Variants in ITPR2 observed in about 807,000 individuals in gnomAD.
ITPR2 encodes inositol 1,4,5-trisphosphate-gated calcium channel ITPR2.
A neutral mutation model predicts 317.1 loss-of-function variants in ITPR2; 207 were observed. The observed-to-expected ratio is 0.65, with a 90% confidence interval of 0.58 to 0.73. The LOEUF (loss-of-function observed/expected upper bound fraction) is 0.73. Among genes scored for constraint, ITPR2 ranks in the 30% least tolerant of loss-of-function variants. The probability of loss-of-function intolerance (pLI) is 0.00; values close to 1 mark genes in which losing one functional copy is unlikely to be tolerated. For synonymous variants in ITPR2, 1,156 were observed against 1,149.1 expected (o/e 1.01, Z -0.12); for missense variants, 2,613 against 3,284.0 (o/e 0.80, Z 4.99).
rs574965467 is a variant in ITPR2, at chr12:26,495,274, T to C, written c.5074-14A>G. The C allele has an allele frequency of 5.4e-5, 73 of 1,356,570 alleles. No individual in the cohort carries two copies. The South Asian group carries it at 7.5e-4, about 14-fold the overall frequency. The allele number at this position is 1,356,570 out of a possible 1,614,324, so 84.0% of individuals were successfully genotyped here. A position where few individuals can be genotyped will look rare whatever the true frequency, so the allele number is the denominator to read the frequency against. On this transcript the variant is annotated splice_polypyrimidine_tract_variant and intron_variant, in intron 37 of 56. Coordinates refer to ENST00000381340, the MANE Select transcript of ITPR2 (RefSeq NM_002223.4). ...TAATGTGTTACCCTAATAAGAAGGA[T>C]AACAAAGAGTTACTGTTCCCTTTTC...
chr12:26,506,855 T>C (rs1306067211), intron 37 of ITPR2, among the ~76,000 whole-genome samples: 2 of 152,236 alleles, frequency 1.3e-5, no homozygotes, highest in Non-Finnish European at 2.9e-5. Context: ...CTCAGCAACA[T>C]AATTCCTAAT....
intron 2 of ITPR2, among the ~76,000 whole-genome samples, chr12:26,738,812 T>C (rs1316116471): frequency 6.6e-6 from 1 of 152,204 alleles, no homozygotes; most frequent in Non-Finnish European, 1.5e-5. Context: ...TCTTTAAAAA[T>C]GTATCATGTC....
At chr12:26,419,308 G>T in intron 49 of ITPR2, 95 bp from the exon 50 acceptor site, 1 of 1,007,700 alleles carries the variant, frequency 9.9e-7, no homozygotes, top group East Asian at 2.7e-5. Context: ...TTTTTGACAT[G>T]GATGAAACAA....
At chr12:26,509,611 C>T (rs1411705889) in intron 37 of ITPR2, among the ~76,000 whole-genome samples, 1 of 152,160 alleles carries the variant, frequency 6.6e-6, no homozygotes, top group African/African-American at 2.4e-5. Flanking sequence ...TTGAATGTTA[C>T]ATCTGTTAGT....
intron 35 of ITPR2, among the ~76,000 whole-genome samples, chr12:26,557,841 T>C (rs1331287712): frequency 1.3e-5 from 2 of 152,114 alleles, no homozygotes; most frequent in Admixed American, 6.5e-5. Context: ...CCCCATTTTA[T>C]TTTTAAACTA....
chr12:26,457,803 T>C (rs1941927893), intron 45 of ITPR2, among the ~76,000 whole-genome samples: 1 of 152,220 alleles, frequency 6.6e-6, no homozygotes, highest in African/African-American at 2.4e-5. Flanking sequence ...ATCACTTAGC[T>C]TCTCTAAGCT....
At chr12:26,828,377 C>T (rs1253074505) in intron 1 of ITPR2, among the ~76,000 whole-genome samples, 1 of 152,226 alleles carries the variant, frequency 6.6e-6, no homozygotes, top group African/African-American at 2.4e-5. Flanking sequence ...GCTACCCCTA[C>T]ATGTACCTAG....
chr12:26,433,207 T>C (rs1021814620), intron 48 of ITPR2, among the ~76,000 whole-genome samples: 3 of 152,200 alleles, frequency 2.0e-5, no homozygotes, highest in Non-Finnish European at 4.4e-5. Flanking sequence ...ATTGCCAAAA[T>C]GGCAGCTCAT....
Position 26,461,621 on chromosome 12 carries a change from CATATAAATAT to C in ITPR2, c.6342+13665_6342+13674del, listed in dbSNP as rs1371935614. ...AAGCTGACAATAAGAAAAAGAAAAG[CATATAAATAT>C]ATATATATATATATATATATATATA... On this transcript the variant is annotated intron_variant, in intron 45 of 56. Transcript: ENST00000381340. Among the ~76,000 whole-genome samples the C allele has an allele frequency of 6.5e-3, 779 of 119,320 alleles. 11 individuals carry two copies. The highest frequency in any genetic ancestry group is 0.026 in the African/African-American group (630 of 24,440). The allele number at this position is 119,320 out of a possible 152,430, so 78.3% of individuals were successfully genotyped here. A position where few individuals can be genotyped will look rare whatever the true frequency, so the allele number is the denominator to read the frequency against.
rs141550946 is a variant in ITPR2 at position 26,416,642 on chromosome 12, G to A, written c.7111-1144C>T. ...TCACCTATGGAAACTGCTATTTTAC[G>A]ATGGTTAAATTTTTTAAAAGTCTAT... On this transcript the variant is annotated intron_variant, in intron 50 of 56. Transcript: ENST00000381340. 5.4e-3 allele frequency among the ~76,000 whole-genome samples: 818 copies of A among 152,182 alleles called. 6 individuals are homozygous for A. The highest frequency in any genetic ancestry group is 0.016 in the African/African-American group (680 of 41,524).
chr12:26,557,379 G>A (rs1053204985), intron 35 of ITPR2, among the ~76,000 whole-genome samples: 31 of 152,298 alleles, frequency 2.0e-4, no homozygotes, highest in African/African-American at 7.2e-4. Context: ...TCTAAGCAGA[G>A]GCATGGTTAT....
chr12:26,409,228 A>G (rs1407276152), intron 52 of ITPR2, among the ~76,000 whole-genome samples: 1 of 152,208 alleles, frequency 6.6e-6, no homozygotes, highest in African/African-American at 2.4e-5. Context: ...ACTAACCCAC[A>G]CTATCAGTGC....
intron 55 of ITPR2, among the ~76,000 whole-genome samples, chr12:26,340,687 TTC>T (rs143201844): frequency 0.023 from 3,505 of 152,256 alleles, 64 homozygotes; most frequent in Middle Eastern, 0.037. Context: ...CATGCACTGT[TTC>T]TCTTTCCCCC....
chr12:26,755,584 G>A (rs534382999), intron 2 of ITPR2, among the ~76,000 whole-genome samples: 2 of 152,250 alleles, frequency 1.3e-5, no homozygotes, highest in Admixed American at 1.3e-4. Flanking sequence ...GAGCATATTT[G>A]TTTCTCTCTA....
intron 44 of ITPR2, 118 bp downstream of exon 44, chr12:26,476,794 T>C (rs1230687604): frequency 1.5e-6 from 1 of 648,818 alleles, no homozygotes; most frequent in Non-Finnish European, 2.7e-6. Context: ...GGTCATGATG[T>C]TCCATTTGTC....
chr12:26,566,931 A>T (rs1944999447), intron 34 of ITPR2, among the ~76,000 whole-genome samples: 1 of 152,168 alleles, frequency 6.6e-6, no homozygotes, highest in Non-Finnish European at 1.5e-5. Flanking sequence ...CAAGATTTTC[A>T]TCCTTTTCTG....
At chr12:26,701,241 A>T (rs11048662) in intron 9 of ITPR2, among the ~76,000 whole-genome samples, 86,888 of 152,066 alleles carry the variant, frequency 0.57, 25,867 homozygotes, top group Non-Finnish European at 0.67. Context: ...TCTAACACAA[A>T]AGCAAGAAGC....
intron 2 of ITPR2, among the ~76,000 whole-genome samples, chr12:26,749,858 CT>C (rs199506683): frequency 6.6e-6 from 1 of 151,880 alleles, no homozygotes; most frequent in East Asian, 1.9e-4. Flanking sequence ...GTTTCTTTTT[CT>C]TTTTTTTGCT....
intron 45 of ITPR2, among the ~76,000 whole-genome samples, chr12:26,444,493 G>A (rs2136742290): frequency 6.6e-6 from 1 of 152,172 alleles, no homozygotes; most frequent in South Asian, 2.1e-4. Flanking sequence ...CCAACTCCAT[G>A]CCAGGCACTA....
Sources: allele counts gnomAD v4.1 joint callset (sites outside exome capture counted in the v4.1 genomes callset), GRCh38; gene constraint gnomAD v4.1.1; transcripts MANE v1.5; gene names NCBI Gene and HGNC (gene_info 2026-07-23, HGNC 2026-07-21).